RAPGEF2: variants seen among roughly 807,000 people sequenced by gnomAD.
RAPGEF2 encodes the protein PDZ domain containing guanine nucleotide exchange factor (GEF) 1.
Under a neutral mutation model 186.7 loss-of-function variants are expected in RAPGEF2, and 54 were observed. That is an observed-to-expected ratio of 0.29 (90% CI 0.23 to 0.36). The LOEUF (loss-of-function observed/expected upper bound fraction) is 0.36, where lower values mean the gene tolerates loss of function less well. Among genes scored for constraint, RAPGEF2 ranks in the 10% least tolerant of loss-of-function variants. The probability of loss-of-function intolerance (pLI) is 1.00; values close to 1 mark genes in which losing one functional copy is unlikely to be tolerated. For synonymous variants in RAPGEF2, 712 were observed against 705.9 expected, an observed-to-expected ratio of 1.01 and a Z score of -0.14; for missense variants, 1,532 against 2,045.0, an observed-to-expected ratio of 0.75 and a Z score of 4.84.
In RAPGEF2 at chr4:159,314,745, T is replaced by C. The variant is rs1764343408; in HGVS notation, c.830T>C (p.Ile277Thr). 5 of 1,607,778 alleles carry C rather than the reference T, an allele frequency of 3.1e-6. No individual in the cohort carries two copies. In the Admixed American group the frequency reaches 5.1e-5, roughly 17 times the overall value. The change falls in exon 9 of 30, where the codon ATT becomes ACT. Residue 277 changes from isoleucine (I) to threonine (T), a missense_variant. Physicochemically the swap from Ile to Thr is moderately conservative, Grantham distance 89. Around this residue, in one of 4 missense-constraint regions of RAPGEF2, gnomAD observed 810 missense variants for 1,210.5 expected, o/e 0.67. Coordinates refer to ENST00000691494, the MANE Select transcript of RAPGEF2 (RefSeq NM_001394067.2). ...AGAGACTGCCTAGAGAAGGACCCAA[T>C]TGACCGGACAGATGATGACATTGGT... ...IVRDCLEKDP[I>T]DRTDDDIEQL...
chr4:159,255,597 T>G (rs1756065420), intron 7 of RAPGEF2, among the ~76,000 whole-genome samples: 1 of 152,140 alleles, frequency 6.6e-6, no homozygotes, highest in African/African-American at 2.4e-5. Context: ...ACTCCTCAAA[T>G]CTGAAATGGT....
chr4:159,328,680 A>G (rs1766265076), intron 11 of RAPGEF2: 1 of 152,180 alleles, frequency 6.6e-6, no homozygotes, highest in Admixed American at 6.5e-5. Context: ...ATGTGCATGT[A>G]TAATTTATTT....
chr4:159,157,041 A>C (rs1296980782), intron 1 of RAPGEF2, among the ~76,000 whole-genome samples: 2 of 152,166 alleles, frequency 1.3e-5, no homozygotes, highest in Non-Finnish European at 2.9e-5. Flanking sequence ...CAATTTAGGA[A>C]CCATTTTCTC....
chr4:159,293,976 T>TA (rs1434741266), intron 7 of RAPGEF2, among the ~76,000 whole-genome samples: 3 of 152,192 alleles, frequency 2.0e-5, no homozygotes, highest in Non-Finnish European at 2.9e-5. Flanking sequence ...AATTGGCACT[T>TA]ACGTAACCGG....
At chr4:159,309,631 G>A (rs936720778) in intron 8 of RAPGEF2, among the ~76,000 whole-genome samples, 2 of 152,210 alleles carry the variant, frequency 1.3e-5, no homozygotes, top group Non-Finnish European at 2.9e-5. Flanking sequence ...TGAAAGAATA[G>A]AAGGTTGTTG....
chr4:159,107,049 CCTGA>C (rs1737963602), intron 1 of RAPGEF2, among the ~76,000 whole-genome samples: 2 of 152,146 alleles, frequency 1.3e-5, no homozygotes, highest in African/African-American at 2.4e-5. Context: ...CACTATTTCA[CCTGA>C]TATTGTGAGA....
At position 159,203,331 on chromosome 4, in the gene RAPGEF2, G is replaced by A. The variant is rs766798996; in HGVS notation, c.198-7169G>A. 1.8e-3 allele frequency among the ~76,000 whole-genome samples: 274 copies of A among 152,252 alleles called. 2 individuals carry two copies. The highest frequency in any genetic ancestry group is 1.8e-3 in the Non-Finnish European group (125 of 68,030). On this transcript the variant is annotated intron_variant, in intron 3 of 29. Transcript: ENST00000691494. The stretch of plus-strand genomic sequence containing the variant: ...TAATTTACTTATTAAGAAAATATTT[G>A]AGTGCCAATCAAGCATTATGTAGTG...
chr4:159,225,602 A>G (rs1751953265), intron 4 of RAPGEF2, among the ~76,000 whole-genome samples: 2 of 152,218 alleles, frequency 1.3e-5, no homozygotes, highest in Admixed American at 1.3e-4. Context: ...TATTCACACT[A>G]GCAGTTTATG....
At chr4:159,273,002 T>C (rs1758306846) in intron 7 of RAPGEF2, among the ~76,000 whole-genome samples, 1 of 152,150 alleles carries the variant, frequency 6.6e-6, no homozygotes, top group African/African-American at 2.4e-5. Context: ...GGGTAGAGTG[T>C]CTCTTTAGTA....
chr4:159,306,550 A>G (rs899060897), intron 8 of RAPGEF2, among the ~76,000 whole-genome samples: 6 of 152,138 alleles, frequency 3.9e-5, no homozygotes, highest in Admixed American at 3.3e-4. Context: ...AGGGGTTTCT[A>G]TATATAATGA....
Position 159,341,888 on chromosome 4 carries a change from C to A in RAPGEF2, c.2859C>A (p.Ile953=). 1 of 1,613,470 alleles carries A rather than the reference C, an allele frequency of 6.2e-7. No homozygotes were observed. The highest frequency in any genetic ancestry group is 8.5e-7 in the Non-Finnish European group (1 of 1,179,712). Residue 953 remains isoleucine, a synonymous_variant, in exon 20 of 30, where the codon ATC becomes ATA. Transcript: ENST00000691494. ...GGATGAAGATCATTAAGCATTTCAT[C>A]AAGATAGCACTGCACTGTAGGGAAT... ...LKRMKIIKHF[I]KIALHCRECK...
chr4:159,296,171 A>C (rs923222157), intron 7 of RAPGEF2, among the ~76,000 whole-genome samples: 1 of 152,208 alleles, frequency 6.6e-6, no homozygotes. Context: ...CTTGCAAGAA[A>C]AATGAAAAAT....
intron 29 of RAPGEF2, among the ~76,000 whole-genome samples, chr4:159,356,739 A>G (rs1732066103): frequency 6.6e-6 from 1 of 151,892 alleles, no homozygotes; most frequent in South Asian, 2.1e-4. Flanking sequence ...TGTCTCTACT[A>G]AAAATACAAA....
chr4:159,175,241 A>G (rs1200879730), intron 1 of RAPGEF2, among the ~76,000 whole-genome samples: 1 of 152,136 alleles, frequency 6.6e-6, no homozygotes, highest in Admixed American at 6.5e-5. Flanking sequence ...CAGAAACAGT[A>G]TTTTGCCTTC....
rs1403558388 is a variant in RAPGEF2, at chr4:159,267,768, C to A, written c.543+23977C>A. The A allele has an allele frequency of 2.1e-5, 21 of 1,011,016 alleles. No individual in the cohort carries two copies. In the Admixed American group the frequency reaches 1.0e-3, roughly 49 times the overall value. 62.6% of individuals were successfully genotyped at this position (1,011,016 alleles called of 1,614,324 possible). ...AGCCTTTTTGAGGGGAGTCTGTGTG[C>A]AGTCAGCCATTTTAGCTTTTTTCTT... On this transcript the variant is annotated intron_variant, in intron 7 of 29. Coordinates refer to ENST00000691494, the MANE Select transcript of RAPGEF2 (RefSeq NM_001394067.2).
intron 4 of RAPGEF2, among the ~76,000 whole-genome samples, chr4:159,227,440 G>C (rs1452410677): frequency 2.0e-5 from 3 of 152,180 alleles, no homozygotes; most frequent in Non-Finnish European, 4.4e-5. Context: ...AATGGTGAAC[G>C]TTTAACAAAA....
chr4:159,282,439 G>T (rs920507648), intron 7 of RAPGEF2: 6 of 218,988 alleles, frequency 2.7e-5, no homozygotes, highest in Non-Finnish European at 4.6e-5. Context: ...TGCTTAGTAA[G>T]ACCTGTCTTT....
chr4:159,148,889 A>T (rs6536393), intron 1 of RAPGEF2, among the ~76,000 whole-genome samples: 149,287 of 152,368 alleles, frequency 0.98, 73,207 homozygotes, highest in East Asian at 1. Flanking sequence ...TATAAATGTT[A>T]GTTACTTTGT....
At chr4:159,134,716 T>G (rs1049541110) in intron 1 of RAPGEF2, among the ~76,000 whole-genome samples, 11 of 152,350 alleles carry the variant, frequency 7.2e-5, no homozygotes, top group Middle Eastern at 3.4e-3. Flanking sequence ...ACAACTTTAT[T>G]GAGATATAAT....
Sources: allele counts gnomAD v4.1 joint callset (sites outside exome capture counted in the v4.1 genomes callset), GRCh38; gene constraint gnomAD v4.1.1; regional missense constraint gnomAD v4.1.1; transcripts MANE v1.5; gene names NCBI Gene and HGNC (gene_info 2026-07-23, HGNC 2026-07-21).